Variants in PTPN3 observed in about 807,000 individuals in gnomAD.
PTPN3 encodes the protein protein tyrosine phosphatase non-receptor type 3, also known as tyrosine-protein phosphatase non-receptor type 3.
Under a neutral mutation model 132.7 loss-of-function variants are expected in PTPN3, and 96 were observed. The ratio of observed to expected loss-of-function variants is 0.72; its 90% CI spans 0.61 to 0.86. The LOEUF (loss-of-function observed/expected upper bound fraction) is 0.86, where lower values mean the gene tolerates loss of function less well. Among genes scored for constraint, PTPN3 ranks in the 40% least tolerant of loss-of-function variants. The pLI is 0.00. For missense variants in PTPN3, 1,125 were observed against 1,159.6 expected (o/e 0.97, Z 0.43); for synonymous variants, 398 against 429.0 (o/e 0.93, Z 0.89).
At chr9:109,383,927 T>C (rs1264459580) in intron 22 of PTPN3, among the ~76,000 whole-genome samples, 1 of 135,542 alleles carries the variant, frequency 7.4e-6, no homozygotes, top group African/African-American at 2.8e-5. Flanking sequence ...CGGCCCCTCC[T>C]CCTGCACCCC....
chr9:109,397,681 G>A (rs1588321572), intron 19 of PTPN3: 1 of 152,254 alleles, frequency 6.6e-6, no homozygotes, highest in East Asian at 1.9e-4. Flanking sequence ...GTAATTTTGG[G>A]ACCTTCCATA....
rs1843770688 is a variant in PTPN3 at position 109,433,000 on chromosome 9, G to A, written c.764+73C>T. ...CTTTAGAAATAAACATTTAGAATGG[G>A]AGGTAACATTACTTTTGTTAGGCAT... is the stretch of plus-strand genomic sequence containing the variant. On this transcript the variant is annotated intron_variant, in intron 10 of 25. Coordinates refer to ENST00000374541, the MANE Select transcript of PTPN3 (RefSeq NM_002829.4). The A allele has an allele frequency of 1.3e-5, 21 of 1,574,308 alleles. No homozygotes were observed. In the South Asian group the frequency reaches 2.4e-4, roughly 18 times the overall value.
At chr9:109,422,043 G>A (rs546091755) in intron 13 of PTPN3, among the ~76,000 whole-genome samples, 11 of 152,106 alleles carry the variant, frequency 7.2e-5, no homozygotes, top group Non-Finnish European at 1.6e-4. Context: ...AGCTTACTAC[G>A]TACTTGTACA....
At chr9:109,502,639 GA>G (rs528763258), upstream of PTPN3, among the ~76,000 whole-genome samples, 83 of 152,050 alleles carry the variant, frequency 5.5e-4, no homozygotes, top group African/African-American at 1.8e-3. Flanking sequence ...CTACAAATAA[GA>G]AAAAAATTAG....
chr9:109,406,616 C>T lies in PTPN3; in HGVS notation c.1638G>A (p.Ala546=), dbSNP rs150061689. The T allele has an allele frequency of 7.2e-5, 116 of 1,613,906 alleles. No individual in the cohort carries two copies. The highest frequency in any genetic ancestry group is 6.9e-4 in the East Asian group (31 of 44,872). The part of the protein sequence containing the change: ...VVSRINPESP[A]DTCIPKLNEG... ...CGTTCAGCTTAGGAATGCAGGTGTC[C>T]GCCTGGGTGGTGGGGAAAAGCGAGT... is the stretch of plus-strand genomic sequence containing the variant. The change falls in exon 18 of 26, where the codon GCG becomes GCA. Residue 546 remains alanine (A), a splice_region_variant and synonymous_variant. Transcript: ENST00000374541.
At chr9:109,501,868 CAG>C (rs1474079203), upstream of PTPN3, among the ~76,000 whole-genome samples, 1 of 152,186 alleles carries the variant, frequency 6.6e-6, no homozygotes, top group Non-Finnish European at 1.5e-5. Context: ...GATGAAATGA[CAG>C]AGAGCTGATA....
In PTPN3 at chr9:109,420,434, G is replaced by A; in HGVS notation, c.1303C>T (p.Pro435Ser). Residue 435 changes from proline to serine, a missense_variant, in exon 14 of 26, where the codon CCG becomes TCG. Physicochemically the swap from Pro to Ser is moderately conservative, Grantham distance 74. Transcript: ENST00000374541. ...ACACGAGTTTCTTACTCTTGGTGCG[G>A]GCTTCGGTTCTGAGAAACTTCAGAA... ...SDSEVSQNRS[P>S]HQESLSENNP... 2 of 1,596,954 alleles carry A rather than the reference G, an allele frequency of 1.3e-6. No homozygotes were observed. The highest frequency in any genetic ancestry group is 2.3e-5 in the East Asian group (1 of 44,438).
chr9:109,422,327 C>T (rs781549993), intron 13 of PTPN3, among the ~76,000 whole-genome samples: 62 of 152,140 alleles, frequency 4.1e-4, no homozygotes, highest in Non-Finnish European at 7.9e-4. Context: ...CACGTACCTG[C>T]GTTAGTTTTC....
At chr9:109,461,904 T>C (rs1845860747) in intron 2 of PTPN3, among the ~76,000 whole-genome samples, 1 of 152,214 alleles carries the variant, frequency 6.6e-6, no homozygotes, top group Non-Finnish European at 1.5e-5. Context: ...CCTGAGAGGA[T>C]GTTTTCCTCC....
At chr9:109,524,422 G>A in the PTPN3 span, among the ~76,000 whole-genome samples, 1 of 152,106 alleles carries the variant, frequency 6.6e-6, no homozygotes, top group African/African-American at 2.4e-5. Flanking sequence ...ACATTAAGGA[G>A]CTGGCTCAAG....
At chr9:109,425,119 T>C (rs978391300) in intron 12 of PTPN3, among the ~76,000 whole-genome samples, 2 of 152,164 alleles carry the variant, frequency 1.3e-5, no homozygotes, top group Admixed American at 6.5e-5. Context: ...ACTGAATGTA[T>C]ACAAATACTA....
chr9:109,441,327 A>G (rs1487687674), intron 7 of PTPN3, among the ~76,000 whole-genome samples: 2 of 152,238 alleles, frequency 1.3e-5, no homozygotes, highest in Non-Finnish European at 2.9e-5. Context: ...CCCAGGTTCC[A>G]AAGTACAGCA....
chr9:109,465,851 T>A (rs986287280), intron 1 of PTPN3, among the ~76,000 whole-genome samples: 3 of 152,178 alleles, frequency 2.0e-5, no homozygotes, highest in African/African-American at 4.8e-5. Context: ...AACTTTTTTT[T>A]ATTAATTCTC....
At chr9:109,523,446 G>T in the PTPN3 span, among the ~76,000 whole-genome samples, 2 of 152,242 alleles carry the variant, frequency 1.3e-5, no homozygotes, top group East Asian at 3.9e-4. Context: ...AGATTAAATG[G>T]CTTGATAGTC....
At chr9:109,451,654 G>C (rs1297146039) in intron 5 of PTPN3, among the ~76,000 whole-genome samples, 1 of 152,222 alleles carries the variant, frequency 6.6e-6, no homozygotes, top group South Asian at 2.1e-4. Context: ...TGACAGGAAG[G>C]CTCAGCAGGA....
intron 24 of PTPN3, 129 bp downstream of exon 24, chr9:109,382,173 A>C (rs368883142): frequency 1.7e-6 from 2 of 1,154,690 alleles, no homozygotes; most frequent in African/African-American, 3.1e-5. Context: ...GAAGAACCAC[A>C]GTCAACAGAG....
At chr9:109,383,660 G>A in intron 22 of PTPN3, 109 bp from the exon 23 acceptor site, 2 of 1,428,406 alleles carry the variant, frequency 1.4e-6, no homozygotes, top group East Asian at 2.3e-5. Flanking sequence ...ACACCCGAGA[G>A]CACTGATGGG....
intron 1 of PTPN3, among the ~76,000 whole-genome samples, chr9:109,474,599 T>C (rs7046039): frequency 0.57 from 86,661 of 151,838 alleles, 24,987 homozygotes; most frequent in Middle Eastern, 0.62. Context: ...TTCCAGACAC[T>C]GCAAAACCCA....
At chr9:109,422,886 T>C (rs200625728) in intron 12 of PTPN3, 34 bp from the exon 13 acceptor site, 1,172 of 1,602,994 alleles carry the variant, frequency 7.3e-4, no homozygotes, top group Non-Finnish European at 9.5e-4. Flanking sequence ...CTTTCTACAC[T>C]GACGTTCAAC....
Sources: allele counts gnomAD v4.1 joint callset (sites outside exome capture counted in the v4.1 genomes callset), GRCh38; gene constraint gnomAD v4.1.1; transcripts MANE v1.5; gene names NCBI Gene and HGNC (gene_info 2026-07-23, HGNC 2026-07-21).